Variants in PRR5L observed in about 807,000 individuals in gnomAD.
PRR5L encodes the protein proline rich 5 like.
Under a neutral mutation model 36.4 loss-of-function variants are expected in PRR5L, and 21 were observed. The observed-to-expected ratio is 0.58, with a 90% CI of 0.41 to 0.83. The LOEUF (loss-of-function observed/expected upper bound fraction) is 0.83, where lower values mean the gene tolerates loss of function less well. PRR5L is among the 40% of genes least tolerant of loss of function. The pLI is 0.00. For missense variants in PRR5L, 381 were observed against 473.3 expected, an observed-to-expected ratio of 0.80 and a Z score of 1.81; for synonymous variants, 188 against 197.0, an observed-to-expected ratio of 0.95 and a Z score of 0.38.
chr11:36,369,697 C>T (rs1443518431), intron 1 of PRR5L, among the ~76,000 whole-genome samples: 1 of 152,196 alleles, frequency 6.6e-6, no homozygotes, highest in Admixed American at 6.5e-5. Context: ...CAGGTTCAAG[C>T]GATTCTCCTG....
chr11:36,310,365 T>C (rs1302653697), intron 1 of PRR5L, among the ~76,000 whole-genome samples: 1 of 152,158 alleles, frequency 6.6e-6, no homozygotes, highest in African/African-American at 2.4e-5. Flanking sequence ...TACACTTTAA[T>C]AAGAATGAGC....
chr11:36,311,379 G>A (rs1856501047), intron 1 of PRR5L, among the ~76,000 whole-genome samples: 1 of 152,190 alleles, frequency 6.6e-6, no homozygotes, highest in Non-Finnish European at 1.5e-5. Flanking sequence ...CAAATGTCTT[G>A]GTAGAGTGGG....
chr11:36,415,983 A>G (rs1359646455), intron 3 of PRR5L, among the ~76,000 whole-genome samples: 1 of 152,188 alleles, frequency 6.6e-6, no homozygotes, highest in Admixed American at 6.5e-5. Context: ...AGCCTGTTGT[A>G]TGTACACACT....
chr11:36,356,977 A>C (rs1857034368), intron 1 of PRR5L, among the ~76,000 whole-genome samples: 1 of 152,232 alleles, frequency 6.6e-6, no homozygotes, highest in Non-Finnish European at 1.5e-5. Flanking sequence ...GAGATGGGTC[A>C]AAAGCTAGAC....
intron 1 of PRR5L, among the ~76,000 whole-genome samples, chr11:36,399,884 G>A (rs549686007): frequency 1.1e-4 from 16 of 152,352 alleles, no homozygotes; most frequent in East Asian, 5.8e-4. Context: ...CCATGGCTCC[G>A]CCATTCTGCC....
chr11:36,329,373 T>C (rs1049571456), intron 1 of PRR5L: 3 of 152,146 alleles, frequency 2.0e-5, no homozygotes, highest in African/African-American at 7.2e-5. Context: ...GTCAGGAAGG[T>C]GGGAGAAAAA....
intron 5 of PRR5L, among the ~76,000 whole-genome samples, chr11:36,434,175 A>C (rs533627986): frequency 6.6e-6 from 1 of 152,308 alleles, no homozygotes; most frequent in African/African-American, 2.4e-5. Context: ...GCATGGCCTG[A>C]GAGCACCAGG....
intron 1 of PRR5L, among the ~76,000 whole-genome samples, chr11:36,331,480 TA>T (rs1277714110): frequency 3.0e-4 from 45 of 152,276 alleles, no homozygotes; most frequent in African/African-American, 1.1e-3. Flanking sequence ...ATGATAAAGA[TA>T]ACATAAAGCA....
At chr11:36,348,297 G>T (rs1365713459) in intron 1 of PRR5L, among the ~76,000 whole-genome samples, 1 of 152,006 alleles carries the variant, frequency 6.6e-6, no homozygotes, top group Non-Finnish European at 1.5e-5. Context: ...CAGCCTTCAC[G>T]GTATCTATTG....
At chr11:36,426,102 C>G (rs1261063186) in intron 4 of PRR5L, 2 of 152,278 alleles carry the variant, frequency 1.3e-5, no homozygotes, top group Non-Finnish European at 2.9e-5. Flanking sequence ...GTGGCAGAAC[C>G]CAGTTACATG....
intron 1 of PRR5L, among the ~76,000 whole-genome samples, chr11:36,302,850 C>T (rs1243215834): frequency 3.3e-5 from 5 of 152,196 alleles, no homozygotes; most frequent in Non-Finnish European, 5.9e-5. Context: ...TTGCTAGGAT[C>T]TGGCAGCCCC....
chr11:36,360,080 CA>C (rs1442438081), intron 1 of PRR5L, among the ~76,000 whole-genome samples: 22 of 150,246 alleles, frequency 1.5e-4, no homozygotes, highest in African/African-American at 3.2e-4. Context: ...CACACCCACA[CA>C]CACACACACA....
intron 1 of PRR5L, among the ~76,000 whole-genome samples, chr11:36,342,590 G>A (rs918054008): frequency 1.3e-5 from 2 of 152,128 alleles, no homozygotes. Flanking sequence ...CAATTTCTCT[G>A]ATAAAACCAC....
intron 1 of PRR5L, among the ~76,000 whole-genome samples, chr11:36,397,818 C>T (rs183813881): frequency 3.0e-4 from 44 of 148,734 alleles, no homozygotes; most frequent in Middle Eastern, 3.5e-3. Context: ...TTTTTTGAGA[C>T]GAGTTTCGCT....
chr11:36,440,163 C>G (rs1858690566), intron 6 of PRR5L, among the ~76,000 whole-genome samples: 1 of 152,104 alleles, frequency 6.6e-6, no homozygotes, highest in Non-Finnish European at 1.5e-5. Flanking sequence ...CATCAAAGGC[C>G]AGATTCTGCA....
At chr11:36,318,129 A>C (rs1002120743) in intron 1 of PRR5L, among the ~76,000 whole-genome samples, 1 of 152,206 alleles carries the variant, frequency 6.6e-6, no homozygotes, top group South Asian at 2.1e-4. Context: ...AATACGCTGT[A>C]CACGTTTGTA....
At chr11:36,428,895 A>G (rs757444628) in intron 4 of PRR5L, among the ~76,000 whole-genome samples, 1 of 152,194 alleles carries the variant, frequency 6.6e-6, no homozygotes, top group Non-Finnish European at 1.5e-5. Flanking sequence ...TGTATAGATG[A>G]TTCTTAAGAC....
chr11:36,375,277 T>C lies in PRR5L; in HGVS notation c.-125-25720T>C, dbSNP rs138001935. ...TTTTGTTTCCCAGGCATGTGTCCCA[T>C]GCCCAGTCTCTTTCATTGTGTGTGA... On this transcript the variant is annotated intron_variant, in intron 1 of 8. Coordinates refer to ENST00000530639, the MANE Select transcript of PRR5L (RefSeq NM_001160167.2). 6.1e-3 allele frequency among the ~76,000 whole-genome samples: 921 copies of C among 151,872 alleles called. 5 individuals are homozygous for C. The highest frequency in any genetic ancestry group is 1.0e-2 in the Non-Finnish European group (678 of 67,964).
At chr11:36,405,899 T>C (rs1466425803) in intron 3 of PRR5L, among the ~76,000 whole-genome samples, 1 of 152,130 alleles carries the variant, frequency 6.6e-6, no homozygotes, top group African/African-American at 2.4e-5. Context: ...AGGACACTAA[T>C]CATGTGGGCC....
Sources: allele counts gnomAD v4.1 joint callset (sites outside exome capture counted in the v4.1 genomes callset), GRCh38; gene constraint gnomAD v4.1.1; transcripts MANE v1.5; gene names NCBI Gene and HGNC (gene_info 2026-07-23, HGNC 2026-07-21).